SLC35F3: variants seen among roughly 807,000 people sequenced by gnomAD.
SLC35F3 encodes solute carrier family 35 member F3.
SLC35F3 carries 25 observed loss-of-function variants against 49.9 expected under a neutral mutation model. That is an observed-to-expected ratio of 0.50 (90% CI 0.37 to 0.70). The LOEUF (loss-of-function observed/expected upper bound fraction) is 0.70. Ranked by LOEUF, SLC35F3 falls within the 30% of genes least tolerant of loss-of-function variation. The probability of loss-of-function intolerance (pLI) is 0.00; values close to 1 mark genes in which losing one functional copy is unlikely to be tolerated. For missense variants in SLC35F3, 525 were observed against 639.8 expected, an observed-to-expected ratio of 0.82 and a Z score of 1.94; for synonymous variants, 275 against 265.4, an observed-to-expected ratio of 1.04 and a Z score of -0.35.
At chr1:234,297,281 C>T (rs1276892238) in intron 3 of SLC35F3, among the ~76,000 whole-genome samples, 12 of 152,158 alleles carry the variant, frequency 7.9e-5, no homozygotes, top group Admixed American at 2.6e-4. Context: ...ACCATATGAT[C>T]CAGAAATCCC....
At chr1:234,315,359 A>C (rs1657462887) in intron 4 of SLC35F3, among the ~76,000 whole-genome samples, 1 of 152,240 alleles carries the variant, frequency 6.6e-6, no homozygotes, top group South Asian at 2.1e-4. Flanking sequence ...CTACTAAGGC[A>C]ACCTCAATTT....
intron 2 of SLC35F3, among the ~76,000 whole-genome samples, chr1:234,186,833 G>A (rs1302711148): frequency 6.6e-6 from 1 of 152,226 alleles, no homozygotes; most frequent in Non-Finnish European, 1.5e-5. Flanking sequence ...ACTATGGGAA[G>A]AGGCCCCATA....
chr1:234,052,823 T>C (rs565155669), intron 2 of SLC35F3, among the ~76,000 whole-genome samples: 1 of 152,330 alleles, frequency 6.6e-6, no homozygotes, highest in East Asian at 1.9e-4. Context: ...GTCCCAGAGA[T>C]TCTGGTATGT....
At chr1:233,963,910 G>A (rs1364492117) in intron 2 of SLC35F3, among the ~76,000 whole-genome samples, 1 of 152,100 alleles carries the variant, frequency 6.6e-6, no homozygotes, top group African/African-American at 2.4e-5. Context: ...TTTTTTTCTG[G>A]GATCAGGTTG....
chr1:233,904,834 A>G lies in SLC35F3; in HGVS notation c.-244A>G, dbSNP rs1661741952. 5.1e-6 allele frequency: 1 copy of G among 196,608 alleles called. No individual in the cohort carries two copies. Among genetic ancestry groups the G allele is most frequent in the Admixed American group, 6.1e-5 (1 of 16,510 alleles). The allele number at this position is 196,608 out of a possible 1,614,324, so 12.2% of individuals were successfully genotyped here. ...CCTCGGCTGCCGGGTCGTTGCGGCG[A>G]GCGCGCGGGCCGGCCTGGAGTCACC... On this transcript the variant is annotated 5_prime_UTR_variant, in exon 1 of 8. Coordinates refer to ENST00000366618, the MANE Select transcript of SLC35F3 (RefSeq NM_173508.4).
intron 2 of SLC35F3, among the ~76,000 whole-genome samples, chr1:233,952,753 TCTCTC>T (rs985247073): frequency 6.6e-6 from 1 of 152,170 alleles, no homozygotes; most frequent in Non-Finnish European, 1.5e-5. Flanking sequence ...ATCTGGTTTC[TCTCTC>T]CTCTCCCTCA....
At chr1:234,314,920 T>C (rs1657447814) in intron 4 of SLC35F3, among the ~76,000 whole-genome samples, 1 of 152,198 alleles carries the variant, frequency 6.6e-6, no homozygotes, top group Admixed American at 6.5e-5. Context: ...CCCCCTTGCA[T>C]TACATGTGTC....
At chr1:234,022,897 G>A (rs1663918394) in intron 2 of SLC35F3, among the ~76,000 whole-genome samples, 1 of 152,116 alleles carries the variant, frequency 6.6e-6, no homozygotes, top group African/African-American at 2.4e-5. Flanking sequence ...TTCTTTCTTA[G>A]AAGCTGAAAA....
chr1:234,066,473 G>A (rs1168455836), intron 2 of SLC35F3, among the ~76,000 whole-genome samples: 1 of 152,136 alleles, frequency 6.6e-6, no homozygotes, highest in Non-Finnish European at 1.5e-5. Context: ...CTGCAGCGGT[G>A]AGTCCAGGTT....
In SLC35F3 at chr1:234,320,225, C is replaced by T. The variant is rs752996013; in HGVS notation, c.1237+38C>T. On this transcript the variant is annotated intron_variant, in intron 7 of 7. Coordinates refer to ENST00000366618, the MANE Select transcript of SLC35F3 (RefSeq NM_173508.4). This position sits in a 1 kb window ranked among gnomAD's most constrained non-coding sequence, Gnocchi z 4.8. ...GGCTTTCTATATCTGCACATAAGCACACACACTCAGTCACCTACTCACACA... is the reference window on the plus strand; with the variant it reads ...GGCTTTCTATATCTGCACATAAGCATACACACTCAGTCACCTACTCACACA... 2.1e-6 allele frequency: 3 copies of T among 1,457,642 alleles called. No homozygotes were observed. Among genetic ancestry groups the T allele is most frequent in the Non-Finnish European group, 2.9e-6 (3 of 1,038,364 alleles). 90.3% of individuals were successfully genotyped at this position (1,457,642 alleles called of 1,614,324 possible).
Position 234,117,932 on chromosome 1 carries a change from G to GTATATATATATATATA in SLC35F3, c.284-113484_284-113483insATATATATATATATAT, listed in dbSNP as rs1373405963. 5.6e-4 allele frequency among the ~76,000 whole-genome samples: 29 copies of GTATATATATATATATA among 51,790 alleles called. 4 individuals are homozygous for GTATATATATATATATA. The East Asian group carries it at 0.011, about 20-fold the overall frequency. 34.0% of individuals were successfully genotyped at this position (51,790 alleles called of 152,430 possible). A position where few individuals can be genotyped will look rare whatever the true frequency, so the allele number is the denominator to read the frequency against. ...TATATATGTGTGTGTGTGTGTGTGT[G>GTATATATATATATATA]TGTGTGTGTGTGTGTGTGTGTGTGT... On this transcript the variant is annotated intron_variant, in intron 2 of 7. Coordinates refer to ENST00000366618, the MANE Select transcript of SLC35F3 (RefSeq NM_173508.4).
At chr1:234,244,255 A>G (rs1667597436) in intron 3 of SLC35F3, among the ~76,000 whole-genome samples, 1 of 152,224 alleles carries the variant, frequency 6.6e-6, no homozygotes, top group African/African-American at 2.4e-5. Flanking sequence ...ATTTTTAAAG[A>G]GTATCTGGAC....
At position 234,278,993 on chromosome 1, in the gene SLC35F3, C is replaced by CA. The variant is rs1558096122; in HGVS notation, c.609-30108_609-30107insA. Reference sequence around the variant, plus strand: ...TTATTTTGCCAAAGTGAAGGATGTGCGCTCCTGACAGCCTCACGAGGTCCT... The same window carrying CA: ...TTATTTTGCCAAAGTGAAGGATGTGCAGCTCCTGACAGCCTCACGAGGTCCT... On this transcript the variant is annotated intron_variant, in intron 3 of 7. Transcript: ENST00000366618. Among the ~76,000 whole-genome samples the CA allele has an allele frequency of 2.6e-5, 4 of 152,238 alleles. No homozygotes were observed. In the East Asian group the frequency reaches 5.8e-4, roughly 22 times the overall value.
intron 2 of SLC35F3, among the ~76,000 whole-genome samples, chr1:234,062,858 T>G (rs1664564522): frequency 6.7e-6 from 1 of 149,088 alleles, no homozygotes; most frequent in Non-Finnish European, 1.5e-5. Context: ...TTTTTTTTTT[T>G]TTTTGTATTT....
At chr1:234,180,309 A>G (rs918317357) in intron 2 of SLC35F3, among the ~76,000 whole-genome samples, 19 of 152,162 alleles carry the variant, frequency 1.2e-4, no homozygotes, top group Non-Finnish European at 2.8e-4. Flanking sequence ...CCTTGGGTGC[A>G]AGTTTAGAGC....
rs1405224627 is a variant in SLC35F3 at position 234,214,279 on chromosome 1, G to C, written c.284-17138G>C. The C allele has an allele frequency of 5.9e-5, 75 of 1,272,066 alleles. No individual in the cohort carries two copies. Among genetic ancestry groups the C allele is most frequent in the Admixed American group, 8.7e-5 (2 of 23,108 alleles). 78.8% of individuals were successfully genotyped at this position (1,272,066 alleles called of 1,614,324 possible). ...GCGCGTGTGTGTGGAGTGGCTGCGC[G>C]GCCGGGGAGGATGTGCGCTGCAGGG... On this transcript the variant is annotated intron_variant, in intron 2 of 7. Transcript: ENST00000366618. The surrounding 1 kb of genome is among the most constrained non-coding windows in gnomAD (Gnocchi z 8.0).
rs575563820 is a variant in SLC35F3, at chr1:234,118,222, G to A, written c.284-113195G>A. Among the ~76,000 whole-genome samples the A allele has an allele frequency of 5.9e-5, 9 of 152,142 alleles. No individual in the cohort carries two copies. In the East Asian group the frequency reaches 1.4e-3, roughly 23 times the overall value. On this transcript the variant is annotated intron_variant, in intron 2 of 7. Transcript: ENST00000366618. ...AATACACTGTGGATGCTAAGTAACC[G>A]AATAGCATCCTGACTTCATGTTACC...
Position 234,248,150 on chromosome 1 carries a change from A to G in SLC35F3, c.608+16409A>G, listed in dbSNP as rs199598985. 0.029 allele frequency among the ~76,000 whole-genome samples: 2,700 copies of G among 91,526 alleles called. No homozygotes were observed. The East Asian group carries it at 0.3, about 10-fold the overall frequency. The allele number at this position is 91,526 out of a possible 152,430, so 60.0% of individuals were successfully genotyped here. ...GGGTCGGTTGGCTGGTCCATTGTTC[A>G]GTGGGTTGGTTGGCTGGTCCATTGT... is the stretch of plus-strand genomic sequence containing the variant. On this transcript the variant is annotated intron_variant, in intron 3 of 7. Transcript: ENST00000366618.
chr1:233,936,308 T>G (rs1207868678), intron 2 of SLC35F3, among the ~76,000 whole-genome samples: 1 of 152,158 alleles, frequency 6.6e-6, no homozygotes, highest in Non-Finnish European at 1.5e-5. Flanking sequence ...GCAGACAGAG[T>G]GACATCTCCA....
Sources: allele counts gnomAD v4.1 joint callset (sites outside exome capture counted in the v4.1 genomes callset), GRCh38; gene constraint gnomAD v4.1.1; non-coding constraint Gnocchi (gnomAD v3.1); transcripts MANE v1.5; gene names NCBI Gene and HGNC (gene_info 2026-07-23, HGNC 2026-07-21).